PDE3A: variants seen among roughly 807,000 people sequenced by gnomAD.
PDE3A encodes cGMP-inhibited 3',5'-cyclic phosphodiesterase 3A.
Under a neutral mutation model 98.3 loss-of-function variants are expected in PDE3A, and 43 were observed. The observed-to-expected ratio is 0.44, with a 90% CI of 0.34 to 0.56. The LOEUF (loss-of-function observed/expected upper bound fraction) is 0.56, where lower values mean the gene tolerates loss of function less well. PDE3A is among the 20% of genes least tolerant of loss of function. The pLI is 0.01. For missense variants in PDE3A, 1,427 were observed against 1,440.7 expected, an observed-to-expected ratio of 0.99 and a Z score of 0.15; for synonymous variants, 663 against 567.9, an observed-to-expected ratio of 1.17 and a Z score of -2.38.
In PDE3A at chr12:20,685,367, C is replaced by G. The variant is rs72658759; in HGVS notation, c.*5096C>G. 0.043 allele frequency among the ~76,000 whole-genome samples: 6,085 copies of G among 142,828 alleles called. 227 individuals carry two copies. Among genetic ancestry groups the G allele is most frequent in the African/African-American group, 0.097 (3,599 of 37,216 alleles). The allele number at this position is 142,828 out of a possible 152,430, so 93.7% of individuals were successfully genotyped here. On this transcript the variant is annotated 3_prime_UTR_variant, in exon 16 of 16. Coordinates refer to ENST00000359062, the MANE Select transcript of PDE3A (RefSeq NM_000921.5). ...GAGGTTATGGTGAGCTGAGATTGCA[C>G]CATTGCACTCCAGCCTGGGCAACAG...
At chr12:20,516,008 A>C (rs1946316128) in intron 1 of PDE3A, among the ~76,000 whole-genome samples, 1 of 149,906 alleles carries the variant, frequency 6.7e-6, no homozygotes, top group Non-Finnish European at 1.5e-5. Flanking sequence ...CTGGGATTAC[A>C]GGCGTGAGCC....
At chr12:20,500,832 A>G (rs911887476) in intron 1 of PDE3A, among the ~76,000 whole-genome samples, 26 of 146,308 alleles carry the variant, frequency 1.8e-4, no homozygotes, top group Non-Finnish European at 3.1e-4. Flanking sequence ...CAGTGGCGCC[A>G]TCTCAGCTCA....
At chr12:20,553,051 G>A in intron 1 of PDE3A, 1 of 1,260,900 alleles carries the variant, frequency 7.9e-7, no homozygotes, top group Non-Finnish European at 1.1e-6. Context: ...CTGAAAACGT[G>A]TCGGAGGGCT....
At chr12:20,607,436 CAA>C (rs765702703) in intron 2 of PDE3A, among the ~76,000 whole-genome samples, 6 of 61,422 alleles carry the variant, frequency 9.8e-5, no homozygotes, top group Admixed American at 1.7e-4. Flanking sequence ...GACTCCGTCT[CAA>C]AAAAAAAAAA....
rs1351819491 is a variant in PDE3A, at chr12:20,670,004, T to C, written c.3185-10026T>C. On this transcript the variant is annotated intron_variant, in intron 15 of 15. Coordinates refer to ENST00000359062, the MANE Select transcript of PDE3A (RefSeq NM_000921.5). ...CTCAAAATAAAAGGATGGAGGCAGA[T>C]CTACCAAGCAAATGGAAAACAAAAA... Among the ~76,000 whole-genome samples, 8 of 150,360 alleles carry C rather than the reference T, an allele frequency of 5.3e-5. 1 individual carries two copies. Among genetic ancestry groups the C allele is most frequent in the African/African-American group, 2.0e-4 (8 of 40,266 alleles).
intron 2 of PDE3A, among the ~76,000 whole-genome samples, chr12:20,566,795 T>G (rs12581736): frequency 0.42 from 62,908 of 151,224 alleles, 13,355 homozygotes; most frequent in Admixed American, 0.48. Context: ...TGCAGTGAAT[T>G]TTTTTTTTGT....
In PDE3A at chr12:20,400,408, T is replaced by C. The variant is rs867966705; in HGVS notation, c.960+30164T>C. Among the ~76,000 whole-genome samples the C allele has an allele frequency of 5.8e-4, 59 of 102,602 alleles. 2 individuals are homozygous for C. Among genetic ancestry groups the C allele is most frequent in the South Asian group, 3.3e-3 (10 of 3,056 alleles). 67.3% of individuals were successfully genotyped at this position (102,602 alleles called of 152,430 possible). A position where few individuals can be genotyped will look rare whatever the true frequency, so the allele number is the denominator to read the frequency against. ...TTTTTTTTTTTTTTTTTTTTTTTTT[T>C]TTTTTTTTTTTTTTTTGAGATGGAG... On this transcript the variant is annotated intron_variant, in intron 1 of 15. Coordinates refer to ENST00000359062, the MANE Select transcript of PDE3A (RefSeq NM_000921.5).
chr12:20,644,858 C>CTCCCCCTCT (rs1341445646), intron 10 of PDE3A, among the ~76,000 whole-genome samples: 4 of 145,794 alleles, frequency 2.7e-5, no homozygotes, highest in East Asian at 2.0e-4. Flanking sequence ...CCTCCCCCTC[C>CTCCCCCTCT]TCCCCCTCTT....
intron 2 of PDE3A, among the ~76,000 whole-genome samples, chr12:20,605,022 A>G (rs901362267): frequency 3.3e-5 from 5 of 152,204 alleles, no homozygotes; most frequent in African/African-American, 1.2e-4. Context: ...CCCTACTTAA[A>G]TCAAGGGAAA....
intron 14 of PDE3A, among the ~76,000 whole-genome samples, chr12:20,651,255 A>G (rs1290573199): frequency 6.6e-6 from 1 of 152,158 alleles, no homozygotes; most frequent in East Asian, 1.9e-4. Flanking sequence ...ATTACCCTAC[A>G]CCCATCAGAA....
intron 1 of PDE3A, among the ~76,000 whole-genome samples, chr12:20,465,655 C>T (rs1384245909): frequency 6.6e-6 from 1 of 152,024 alleles, no homozygotes; most frequent in South Asian, 2.1e-4. Context: ...GTAATCTGCC[C>T]GCCTCAGCCT....
At chr12:20,614,122 T>A (rs994987059) in intron 3 of PDE3A, among the ~76,000 whole-genome samples, 2 of 145,110 alleles carry the variant, frequency 1.4e-5, no homozygotes, top group Non-Finnish European at 3.0e-5. Flanking sequence ...TTCTCTTGAA[T>A]GATATACTTC....
intron 2 of PDE3A, among the ~76,000 whole-genome samples, chr12:20,566,792 A>G (rs1942669606): frequency 6.6e-6 from 1 of 151,842 alleles, no homozygotes; most frequent in African/African-American, 2.4e-5. Flanking sequence ...ACGTGCAGTG[A>G]ATTTTTTTTT....
intron 1 of PDE3A, among the ~76,000 whole-genome samples, chr12:20,389,961 A>G (rs770226857): frequency 1.3e-5 from 2 of 151,992 alleles, no homozygotes; most frequent in Non-Finnish European, 2.9e-5. Flanking sequence ...AACCCAGTGT[A>G]TTCGTAAAAG....
chr12:20,648,450 A>C (rs578134960), intron 12 of PDE3A, among the ~76,000 whole-genome samples: 1 of 152,018 alleles, frequency 6.6e-6, no homozygotes, highest in Non-Finnish European at 1.5e-5. Context: ...GTGCCCCCTC[A>C]AAAGAGTTTG....
intron 15 of PDE3A, among the ~76,000 whole-genome samples, chr12:20,670,866 A>G (rs1592169836): frequency 7.4e-6 from 1 of 135,446 alleles, no homozygotes; most frequent in Admixed American, 7.4e-5. Context: ...AACTGAAGGA[A>G]ATAGAGACAC....
At chr12:20,505,167 T>C (rs901698696) in intron 1 of PDE3A, among the ~76,000 whole-genome samples, 1 of 152,152 alleles carries the variant, frequency 6.6e-6, no homozygotes, top group Admixed American at 6.6e-5. Flanking sequence ...TATAGTCCTA[T>C]ATTTATGGCC....
At chr12:20,398,054 T>TG (rs1295919033) in intron 1 of PDE3A, among the ~76,000 whole-genome samples, 6 of 151,690 alleles carry the variant, frequency 4.0e-5, no homozygotes, top group Non-Finnish European at 7.4e-5. Context: ...TTTTTTTGTT[T>TG]TTTTTTTCGG....
intron 1 of PDE3A, among the ~76,000 whole-genome samples, chr12:20,412,665 A>G (rs1426601161): frequency 6.6e-6 from 1 of 152,146 alleles, no homozygotes; most frequent in African/African-American, 2.4e-5. Flanking sequence ...ATGTGTAAAG[A>G]ATATTGTTTA....
Sources: allele counts gnomAD v4.1 joint callset (sites outside exome capture counted in the v4.1 genomes callset), GRCh38; gene constraint gnomAD v4.1.1; transcripts MANE v1.5; gene names NCBI Gene and HGNC (gene_info 2026-07-23, HGNC 2026-07-21).